RGPD3: variants seen among roughly 807,000 people sequenced by gnomAD.
RGPD3 encodes the protein RANBP2 like and GRIP domain containing 3, also known as ranBP2-like and GRIP domain-containing protein 3.
Under a neutral mutation model 154.5 loss-of-function variants are expected in RGPD3, and 62 were observed. That is an observed-to-expected ratio of 0.40 (90% CI 0.33 to 0.50). The LOEUF is 0.50. Among genes scored for constraint, RGPD3 ranks in the 20% least tolerant of loss-of-function variants. The pLI is 0.59. For missense variants in RGPD3, 919 were observed against 1,716.8 expected, an observed-to-expected ratio of 0.54 and a Z score of 8.21; for synonymous variants, 308 against 607.0, an observed-to-expected ratio of 0.51 and a Z score of 7.24.
At chr2:106,434,183 A>C (rs749862690) in intron 15 of RGPD3, 45 bp downstream of exon 15, 1 of 1,593,804 alleles carries the variant, frequency 6.3e-7, no homozygotes, top group Non-Finnish European at 8.6e-7. Context: ...AACACTGACC[A>C]GTGGGTTATC....
intron 1 of RGPD3, among the ~76,000 whole-genome samples, chr2:106,467,613 C>T (rs866527153): frequency 1.5e-5 from 2 of 136,358 alleles, no homozygotes; most frequent in African/African-American, 2.9e-5. Flanking sequence ...AGGCAGCCGC[C>T]GGGCCGGGTC....
At position 106,425,253 on chromosome 2, in the gene RGPD3, G is replaced by GA. The variant is rs1677161971; in HGVS notation, c.2713_2714insT (p.Thr905IlefsTer4). The GA allele has an allele frequency of 6.2e-7, 1 of 1,611,184 alleles. No individual in the cohort carries two copies. Among genetic ancestry groups the GA allele is most frequent in the African/African-American group, 1.3e-5 (1 of 74,652 alleles). ...TCCTTCTTTGGTTGACTTAAATTCT[G>GA]TATTAGAAGAACCCTGAAACATAAA... On this transcript the variant is annotated frameshift_variant, in exon 20 of 23. Coordinates refer to ENST00000409886, the MANE Select transcript of RGPD3 (RefSeq NM_001144013.2). LOFTEE classifies it high-confidence loss of function.
At chr2:106,467,024 C>T (rs1678632515) in intron 1 of RGPD3, among the ~76,000 whole-genome samples, 1 of 127,856 alleles carries the variant, frequency 7.8e-6, no homozygotes, top group Non-Finnish European at 1.7e-5. Context: ...CCGCCGCCGC[C>T]GCCTCAACAG....
chr2:106,449,135 T>C (rs573704622), intron 6 of RGPD3, among the ~76,000 whole-genome samples: 25 of 151,948 alleles, frequency 1.6e-4, no homozygotes, highest in African/African-American at 6.1e-4. Context: ...TTCTGACTAC[T>C]TTTTTGCTGT....
Position 106,424,702 on chromosome 2 carries a change from T to C in RGPD3, c.3265A>G (p.Lys1089Glu). 6.2e-7 allele frequency: 1 copy of C among 1,612,018 alleles called. No homozygotes were observed. Among genetic ancestry groups the C allele is most frequent in the Non-Finnish European group, 8.5e-7 (1 of 1,179,858 alleles). ...CTTACTTTGCCATTGACCTCGTTTT[T>C]GAGAATTTTTAAGTTCCCCAAGCCC... Reference protein sequence around the residue: ...ERGLGNLKILKNEVNGKVRML... With the variant: ...ERGLGNLKILENEVNGKVRML... Residue 1089 changes from lysine to glutamate, a missense_variant, in exon 20 of 23, where the codon AAA becomes GAA. Physicochemically the swap from Lys to Glu is moderately conservative, Grantham distance 56 (BLOSUM62 1). Transcript: ENST00000409886.
chr2:106,404,976 A>G lies in RGPD3; in HGVS notation c.*243T>C, dbSNP rs1676461616. On this transcript the variant is annotated 3_prime_UTR_variant, in exon 23 of 23. Coordinates refer to ENST00000409886, the MANE Select transcript of RGPD3 (RefSeq NM_001144013.2). ...TAGAGGGCTGTGGCCTGGTATCAACACTTCAAGCTGTTGTACTTTTACTTC... is the reference window on the plus strand; with the variant it reads ...TAGAGGGCTGTGGCCTGGTATCAACGCTTCAAGCTGTTGTACTTTTACTTC... 5 of 617,950 alleles carry G rather than the reference A, an allele frequency of 8.1e-6. No individual in the cohort carries two copies. The highest frequency in any genetic ancestry group is 1.9e-5 in the African/African-American group (1 of 53,290). The allele number at this position is 617,950 out of a possible 1,614,324, so 38.3% of individuals were successfully genotyped here. A position where few individuals can be genotyped will look rare whatever the true frequency, so the allele number is the denominator to read the frequency against.
chr2:106,432,868 A>G, intron 17 of RGPD3, 67 bp downstream of exon 17: 2 of 1,442,754 alleles, frequency 1.4e-6, no homozygotes, highest in Non-Finnish European at 1.9e-6. Flanking sequence ...TCAGAAAAAA[A>G]GTGAGAGAGT....
chr2:106,411,494 C>T (rs920266729), intron 22 of RGPD3, among the ~76,000 whole-genome samples: 22 of 147,788 alleles, frequency 1.5e-4, no homozygotes, highest in African/African-American at 4.2e-4. Flanking sequence ...ATAAGTGGCA[C>T]ATTAAAAATA....
At chr2:106,448,254 C>A (rs1271084102) in intron 6 of RGPD3, among the ~76,000 whole-genome samples, 5 of 152,120 alleles carry the variant, frequency 3.3e-5, no homozygotes, top group Non-Finnish European at 7.3e-5. Flanking sequence ...ATTACAGGCA[C>A]CTGCCACCAT....
chr2:106,461,497 CA>C (rs1213098984), intron 1 of RGPD3, among the ~76,000 whole-genome samples: 2 of 152,062 alleles, frequency 1.3e-5, no homozygotes, highest in African/African-American at 4.8e-5. Context: ...AAATTTTTAT[CA>C]TGTTATTCAG....
Position 106,423,982 on chromosome 2 carries a change from C to T in RGPD3, c.3985G>A (p.Glu1329Lys). Residue 1329 changes from glutamate (E) to lysine (K), a missense_variant, in exon 20 of 23, where the codon GAG becomes AAG. Coordinates refer to ENST00000409886, the MANE Select transcript of RGPD3 (RefSeq NM_001144013.2). ...GGTTCAAAGTACTGTCCATCTCTCTCTTCTTCTTGAGTAACATCAGATTCT... is the reference window on the plus strand; with the variant it reads ...GGTTCAAAGTACTGTCCATCTCTCTTTTCTTCTTGAGTAACATCAGATTCT... Reference protein sequence around the residue: ...DEESDVTQEEERDGQYFEPVV... With the variant: ...DEESDVTQEEKRDGQYFEPVV... 3 of 1,611,824 alleles carry T rather than the reference C, an allele frequency of 1.9e-6. No individual in the cohort carries two copies. Among genetic ancestry groups the T allele is most frequent in the African/African-American group, 1.3e-5 (1 of 74,936 alleles).
chr2:106,444,810 C>T (rs1353452510), intron 7 of RGPD3, among the ~76,000 whole-genome samples: 1 of 149,490 alleles, frequency 6.7e-6, no homozygotes, highest in Admixed American at 6.7e-5. Flanking sequence ...GCCACAGCAC[C>T]TCCCAAAACT....
chr2:106,449,730 G>A (rs1288200103), intron 6 of RGPD3, among the ~76,000 whole-genome samples: 4 of 151,166 alleles, frequency 2.6e-5, no homozygotes, highest in Non-Finnish European at 5.9e-5. Flanking sequence ...TCAAGAGATC[G>A]AGACCAGCCG....
intron 11 of RGPD3, 61 bp downstream of exon 11, chr2:106,436,353 A>G (rs551011270): frequency 6.2e-7 from 1 of 1,610,392 alleles, no homozygotes; most frequent in African/African-American, 1.3e-5. Flanking sequence ...TCACACGAGG[A>G]TTAAATCCCC....
intron 22 of RGPD3, among the ~76,000 whole-genome samples, chr2:106,411,212 T>A (rs1464027921): frequency 1.5e-5 from 2 of 137,614 alleles, no homozygotes; most frequent in Non-Finnish European, 3.1e-5. Flanking sequence ...ATCAGTTTAG[T>A]TATTAGGGTT....
rs571616400 is a variant in RGPD3, at chr2:106,424,694, C to T, written c.3273G>A (p.Glu1091=). 2 of 1,611,938 alleles carry T rather than the reference C, an allele frequency of 1.2e-6. No homozygotes were observed. Among genetic ancestry groups the T allele is most frequent in the East Asian group, 2.2e-5 (1 of 44,880 alleles). Residue 1091 remains glutamate, a synonymous_variant, in exon 20 of 23, where the codon GAG becomes GAA. Transcript: ENST00000409886. ...TCAGCATTCTTACTTTGCCATTGAC[C>T]TCGTTTTTGAGAATTTTTAAGTTCC... is the stretch of plus-strand genomic sequence containing the variant. ...GLGNLKILKN[E]VNGKVRMLMQ...
chr2:106,466,984 C>T (rs1473355932), intron 1 of RGPD3, among the ~76,000 whole-genome samples: 2 of 127,786 alleles, frequency 1.6e-5, no homozygotes, highest in Admixed American at 8.0e-5. Flanking sequence ...AGGGCCAGGT[C>T]GAGGCTGCCG....
At chr2:106,412,967 A>G (rs1270677199) in intron 22 of RGPD3, 117 bp downstream of exon 22, 1 of 1,351,774 alleles carries the variant, frequency 7.4e-7, no homozygotes, top group Non-Finnish European at 1.0e-6. Flanking sequence ...TACTCATATG[A>G]CAGACCCAAT....
At chr2:106,441,125 G>A (rs1038764330) in intron 8 of RGPD3, among the ~76,000 whole-genome samples, 168 bp downstream of exon 8, 1 of 151,762 alleles carries the variant, frequency 6.6e-6, no homozygotes, top group Non-Finnish European at 1.5e-5. Context: ...TTTAAAGAAT[G>A]TGCTATTTCT....
Sources: gnomAD v4.1 joint callset for allele counts (sites outside exome capture counted in the v4.1 genomes callset) on GRCh38, gnomAD v4.1.1 for gene constraint, MANE v1.5 for transcripts, NCBI Gene and HGNC (gene_info 2026-07-23, HGNC 2026-07-21) for gene names.